Variants in BPIFC observed in about 807,000 individuals in gnomAD.
BPIFC encodes BPI fold-containing family C protein.
A neutral mutation model predicts 57.6 loss-of-function variants in BPIFC; 60 were observed. The observed-to-expected ratio is 1.04, with a 90% CI of 0.85 to 1.29. The LOEUF is 1.29. Among genes scored for constraint, BPIFC ranks in the 50% most tolerant of loss-of-function variants. The probability of loss-of-function intolerance (pLI) is 0.00; values close to 1 mark genes in which losing one functional copy is unlikely to be tolerated. For missense variants in BPIFC, 581 were observed against 600.5 expected, an observed-to-expected ratio of 0.97 and a Z score of 0.34; for synonymous variants, 243 against 224.5, an observed-to-expected ratio of 1.08 and a Z score of -0.74.
chr22:32,432,209 A>G (rs1934264206), intron 12 of BPIFC, among the ~76,000 whole-genome samples, 164 bp downstream of exon 12: 12 of 151,910 alleles, frequency 7.9e-5, no homozygotes, highest in Admixed American at 7.9e-4. Context: ...GCCTCCCAAG[A>G]CACTGGAATT....
intron 5 of BPIFC, 39 bp from the exon 6 acceptor site, chr22:32,446,035 G>A (rs1459762744): frequency 1.2e-6 from 2 of 1,605,612 alleles, no homozygotes; most frequent in African/African-American, 2.7e-5. Flanking sequence ...GCCTGAGTCA[G>A]GCACAGAGAT....
At position 32,456,372 on chromosome 22, in the gene BPIFC, C is replaced by T. The variant is rs143722657; in HGVS notation, c.124+891G>A. On this transcript the variant is annotated intron_variant, in intron 3 of 16. Coordinates refer to ENST00000300399, the MANE Select transcript of BPIFC (RefSeq NM_174932.3). ...GAAAAACAAGGAGTTGTCTCTAAATCCTTCTTTCTTCCCTCTCTCCCTCCC... is the reference window on the plus strand; with the variant it reads ...GAAAAACAAGGAGTTGTCTCTAAATTCTTCTTTCTTCCCTCTCTCCCTCCC... Among the ~76,000 whole-genome samples, 20 of 152,130 alleles carry T rather than the reference C, an allele frequency of 1.3e-4. No individual in the cohort carries two copies. The East Asian group carries it at 3.9e-3, about 29-fold the overall frequency.
intron 3 of BPIFC, 56 bp downstream of exon 3, chr22:32,457,207 G>A (rs1019498505): frequency 2.0e-5 from 31 of 1,555,134 alleles, no homozygotes; most frequent in Non-Finnish European, 2.5e-5. Context: ...TTCAGTTTGG[G>A]TCACAGACCC....
intron 13 of BPIFC, among the ~76,000 whole-genome samples, chr22:32,426,793 G>A (rs745966699): frequency 8.6e-5 from 13 of 151,908 alleles, no homozygotes; most frequent in Non-Finnish European, 1.8e-4. Context: ...CCAGGAGGCT[G>A]AGGCAGGAGG....
rs116562907 is a variant in BPIFC at position 32,464,351 on chromosome 22, T to C, written c.-89+23A>G. 2.6e-3 allele frequency: 2,550 copies of C among 982,844 alleles called. 54 individuals carry two copies. The African/African-American group carries it at 0.041, about 16-fold the overall frequency. The allele number at this position is 982,844 out of a possible 1,614,324, so 60.9% of individuals were successfully genotyped here. On this transcript the variant is annotated intron_variant, in intron 1 of 16. Coordinates refer to ENST00000300399, the MANE Select transcript of BPIFC (RefSeq NM_174932.3). Reference sequence around the variant, plus strand: ...TTGGAGATCATGGCTGGCAGAGACCTGAAGTTTGTTCATGAGTCTTACCTC... The same window carrying C: ...TTGGAGATCATGGCTGGCAGAGACCCGAAGTTTGTTCATGAGTCTTACCTC...
intron 4 of BPIFC, 103 bp downstream of exon 4, chr22:32,453,280 T>A: frequency 1.1e-6 from 1 of 894,426 alleles, no homozygotes; most frequent in Non-Finnish European, 1.6e-6. Flanking sequence ...CAGAAAAAGA[T>A]AAGAAGGCTG....
chr22:32,435,825 A>G lies in BPIFC; in HGVS notation c.803T>C (p.Phe268Ser). 1 of 1,614,182 alleles carries G rather than the reference A, an allele frequency of 6.2e-7. No individual in the cohort carries two copies. Among genetic ancestry groups the G allele is most frequent in the Non-Finnish European group, 8.5e-7 (1 of 1,180,028 alleles). ...GGAGTTGCTGCGTTCTGGGAGCACA[A>G]AAGGAACTGGTGAGAAGGGGGGGTC... ...LTDPPFSPVP[F>S]VLPERSNSML... The change falls in exon 10 of 17, where the codon TTT (phenylalanine) becomes TCT (serine). Residue 268 changes from phenylalanine to serine, a missense_variant. Coordinates refer to ENST00000300399, the MANE Select transcript of BPIFC (RefSeq NM_174932.3).
chr22:32,443,883 A>T (rs1359525504), intron 7 of BPIFC, among the ~76,000 whole-genome samples: 1 of 152,144 alleles, frequency 6.6e-6, no homozygotes, highest in Admixed American at 6.5e-5. Context: ...ACTCCATTTC[A>T]CCTTCACTAC....
intron 12 of BPIFC, among the ~76,000 whole-genome samples, chr22:32,431,970 G>A (rs1934256095): frequency 6.6e-6 from 1 of 151,576 alleles, no homozygotes; most frequent in Admixed American, 6.6e-5. Context: ...GTCTTACCCT[G>A]TTGCCCAGAC....
intron 12 of BPIFC, among the ~76,000 whole-genome samples, chr22:32,431,863 G>C (rs1934252514): frequency 6.6e-6 from 1 of 151,882 alleles, no homozygotes; most frequent in Admixed American, 6.6e-5. Context: ...GCATGAAGTA[G>C]AGACTGGAGA....
chr22:32,429,509 GTTTTTTTTTTTTTTTT>G (rs780948561), intron 13 of BPIFC, among the ~76,000 whole-genome samples: 1 of 56,622 alleles, frequency 1.8e-5, no homozygotes, highest in Non-Finnish European at 3.3e-5. Flanking sequence ...ACTGGCCTTT[GTTTTTTTTTTTTTTTT>G]TTTTTTTTTT....
chr22:32,428,755 CAG>C (rs1423706155), intron 13 of BPIFC, among the ~76,000 whole-genome samples: 1 of 151,842 alleles, frequency 6.6e-6, no homozygotes, highest in Non-Finnish European at 1.5e-5. Flanking sequence ...AAAAATTAGC[CAG>C]GTGTGGTGGC....
At chr22:32,457,652 C>T (rs1378857726) in intron 2 of BPIFC, among the ~76,000 whole-genome samples, 1 of 152,198 alleles carries the variant, frequency 6.6e-6, no homozygotes, top group East Asian at 1.9e-4. Context: ...ATTGAACACA[C>T]CAGCATGTGT....
chr22:32,446,346 G>A (rs986245931), intron 5 of BPIFC, among the ~76,000 whole-genome samples: 1 of 152,208 alleles, frequency 6.6e-6, no homozygotes, highest in Non-Finnish European at 1.5e-5. Flanking sequence ...CTTTATTCAG[G>A]AAGGGCATAG....
At chr22:32,460,798 A>G (rs1935144594) in intron 2 of BPIFC, among the ~76,000 whole-genome samples, 3 of 152,202 alleles carry the variant, frequency 2.0e-5, no homozygotes. Context: ...TTTCTGGCTT[A>G]TGATTTGCCT....
At chr22:32,451,708 T>G (rs1934900555) in intron 4 of BPIFC, among the ~76,000 whole-genome samples, 1 of 151,942 alleles carries the variant, frequency 6.6e-6, no homozygotes, top group Non-Finnish European at 1.5e-5. Flanking sequence ...AATATATATA[T>G]AAATAAATTT....
intron 13 of BPIFC, 114 bp from the exon 14 acceptor site, chr22:32,419,518 A>G: frequency 9.2e-7 from 1 of 1,091,806 alleles, no homozygotes; most frequent in Non-Finnish European, 1.3e-6. Context: ...AAAAAAACAC[A>G]CAAGGCTGGG....
chr22:32,460,794 G>A lies in BPIFC; in HGVS notation c.-1+780C>T, dbSNP rs535412486. On this transcript the variant is annotated intron_variant, in intron 2 of 16. Coordinates refer to ENST00000300399, the MANE Select transcript of BPIFC (RefSeq NM_174932.3). ...TTCATGCGTGTATGTTTCTTTTCTG[G>A]CTTATGATTTGCCTTCCCTACCAGA... is the stretch of plus-strand genomic sequence containing the variant. Among the ~76,000 whole-genome samples, 6 of 152,170 alleles carry A rather than the reference G, an allele frequency of 3.9e-5. No homozygotes were observed. The South Asian group carries it at 1.2e-3, about 32-fold the overall frequency.
chr22:32,444,839 T>C (rs1568954152), intron 7 of BPIFC, among the ~76,000 whole-genome samples: 1 of 152,164 alleles, frequency 6.6e-6, no homozygotes. Flanking sequence ...ATTTTCCATT[T>C]CTCTGAACCT....
Sources: gnomAD v4.1 joint callset for allele counts (sites outside exome capture counted in the v4.1 genomes callset) on GRCh38, gnomAD v4.1.1 for gene constraint, MANE v1.5 for transcripts, NCBI Gene and HGNC (gene_info 2026-07-23, HGNC 2026-07-21) for gene names.